Variants in ABCA13 observed in about 807,000 individuals in gnomAD.
The protein encoded by ABCA13 is ATP binding cassette subfamily A member 13.
In ABCA13, 476 loss-of-function variants were observed where a neutral mutation model predicts 478.7. That is an observed-to-expected ratio of 0.99 (90% CI 0.92 to 1.07). ABCA13 has a LOEUF of 1.07. Among genes scored for constraint, ABCA13 ranks in the 50% least tolerant of loss-of-function variants. The pLI is 0.00. For missense variants in ABCA13, 6,060 were observed against 5,910.6 expected (o/e 1.03, Z -0.83); for synonymous variants, 2,252 against 2,158.9 (o/e 1.04, Z -1.20).
intron 38 of ABCA13, among the ~76,000 whole-genome samples, chr7:48,394,608 C>T (rs2129059652): frequency 6.6e-6 from 1 of 152,348 alleles, no homozygotes; most frequent in South Asian, 2.1e-4. Flanking sequence ...AACCCCTTGA[C>T]TACAGGGACG....
At chr7:48,256,840 A>G (rs1793466759) in intron 15 of ABCA13, among the ~76,000 whole-genome samples, 1 of 152,104 alleles carries the variant, frequency 6.6e-6, no homozygotes, top group African/African-American at 2.4e-5. Flanking sequence ...TAGTTTTTTC[A>G]AATTCTGTAA....
At chr7:48,358,713 C>A (rs757678370) in intron 31 of ABCA13, among the ~76,000 whole-genome samples, 2 of 151,982 alleles carry the variant, frequency 1.3e-5, no homozygotes, top group African/African-American at 4.8e-5. Context: ...AGTGTACATT[C>A]ATAACTAATA....
Position 48,193,020 on chromosome 7 carries a change from G to C in ABCA13, c.131G>C (p.Arg44Pro), listed in dbSNP as rs566894266. The C allele has an allele frequency of 3.7e-5, 57 of 1,527,834 alleles. No homozygotes were observed. The highest frequency in any genetic ancestry group is 2.8e-5 in the Non-Finnish European group (32 of 1,143,314). The allele number at this position is 1,527,834 out of a possible 1,614,324, so 94.6% of individuals were successfully genotyped here. A position where few individuals can be genotyped will look rare whatever the true frequency, so the allele number is the denominator to read the frequency against. ...CILFVILTVL[R>P]FQEPPRYRDI... ...CTGTTTGTAATTCTGACAGTTCTTC[G>C]TTTTCAAGAACCTCCCAGATACAGA... Residue 44 changes from arginine (R) to proline (P), a missense_variant, in exon 2 of 62, where the codon CGT (arginine) becomes CCT (proline). Around this residue, in one of 3 missense-constraint regions of ABCA13, gnomAD observed 4,423 missense variants for 4,309.1 expected, o/e 1.03. Coordinates refer to ENST00000435803, the MANE Select transcript of ABCA13 (RefSeq NM_152701.5).
chr7:48,508,042 A>G lies in ABCA13; in HGVS notation c.13517A>G (p.Tyr4506Cys), dbSNP rs1001715067. 18 of 1,613,716 alleles carry G rather than the reference A, an allele frequency of 1.1e-5. No homozygotes were observed. In the African/African-American group the frequency reaches 1.9e-4, roughly 17 times the overall value. Residue 4506 changes from tyrosine (Y) to cysteine (C), a missense_variant, in exon 50 of 62, where the codon TAT (tyrosine) becomes TGT (cysteine). By Grantham distance (194) the Tyr-to-Cys change is radical (BLOSUM62 -2). This residue lies in a region of ABCA13 where 1,627 missense variants were observed against 1,571.0 expected (regional missense o/e 1.04). Transcript: ENST00000435803. ...ATGTACTGGTTCACAAACTTCCTAT[A>G]TGACATGGTAGGATTTGGGAATGAG... is the stretch of plus-strand genomic sequence containing the variant. ...YRMYWFTNFL[Y>C]DMLFYLVSVC...
In ABCA13 at chr7:48,607,037, G is replaced by A. The variant is rs548406082; in HGVS notation, c.14745-8248G>A. Among the ~76,000 whole-genome samples the A allele has an allele frequency of 2.6e-5, 4 of 152,284 alleles. No homozygotes were observed. The Middle Eastern group carries it at 0.01, about 388-fold the overall frequency. Reference sequence around the variant, plus strand: ...AAACCGCGTACTGAAGCCTCAGCAAGGACGGATGCCCCTCTCCCAACCAAG... The same window carrying A: ...AAACCGCGTACTGAAGCCTCAGCAAAGACGGATGCCCCTCTCCCAACCAAG... On this transcript the variant is annotated intron_variant, in intron 58 of 61. Coordinates refer to ENST00000435803, the MANE Select transcript of ABCA13 (RefSeq NM_152701.5).
At chr7:48,411,043 CTTTCT>C (rs1819047113) in intron 40 of ABCA13, among the ~76,000 whole-genome samples, 1 of 89,380 alleles carries the variant, frequency 1.1e-5, no homozygotes, top group Non-Finnish European at 2.5e-5. Flanking sequence ...TTCTTTCTTT[CTTTCT>C]TTTTCTTTCT....
intron 45 of ABCA13, among the ~76,000 whole-genome samples, chr7:48,480,730 A>C (rs946245484): frequency 6.6e-6 from 1 of 152,266 alleles, no homozygotes; most frequent in African/African-American, 2.4e-5. Context: ...CGTCAAATGC[A>C]AGATCACCCC....
chr7:48,441,811 T>C lies in ABCA13; in HGVS notation c.12566-13226T>C, dbSNP rs200070097. On this transcript the variant is annotated intron_variant, in intron 42 of 61. Transcript: ENST00000435803. ...AGATGTGATTTGGATTTCTGGGCAG[T>C]GTTGAGAGCCCTGTTACTAAGAATC... is the stretch of plus-strand genomic sequence containing the variant. 3.6e-4 allele frequency among the ~76,000 whole-genome samples: 55 copies of C among 152,290 alleles called. No homozygotes were observed. In the East Asian group the frequency reaches 7.5e-3, roughly 21 times the overall value.
intron 23 of ABCA13, among the ~76,000 whole-genome samples, chr7:48,309,269 C>G (rs1342120767): frequency 6.6e-6 from 1 of 152,050 alleles, no homozygotes; most frequent in African/African-American, 2.4e-5. Context: ...GGAGCAAAAA[C>G]ATGGAGCAGG....
intron 55 of ABCA13, among the ~76,000 whole-genome samples, chr7:48,573,785 C>T (rs1787903851): frequency 6.6e-6 from 1 of 152,036 alleles, no homozygotes; most frequent in African/African-American, 2.4e-5. Context: ...TGGCTTAAAC[C>T]AGGAAAATTT....
intron 59 of ABCA13, among the ~76,000 whole-genome samples, chr7:48,641,408 T>C (rs1016851400): frequency 1.3e-5 from 2 of 152,244 alleles, no homozygotes; most frequent in African/African-American, 4.8e-5. Flanking sequence ...TAAATTTCAC[T>C]GCTTATTTAT....
At position 48,274,351 on chromosome 7, in the gene ABCA13, AC is replaced by A; in HGVS notation, c.4686del (p.Phe1563LeufsTer16). On this transcript the variant is annotated frameshift_variant, in exon 17 of 62. Coordinates refer to ENST00000435803, the MANE Select transcript of ABCA13 (RefSeq NM_152701.5). LOFTEE classifies it high-confidence loss of function. ...TTTCAGAAGCTTGTAAAAGGTATTTACTTTAACATCCTGGAAAATAATTCCT... is the reference window on the plus strand; with the variant it reads ...TTTCAGAAGCTTGTAAAAGGTATTTATTTAACATCCTGGAAAATAATTCCT... ...KEFQKLVKGI[Y>X]FNILENNSSS... 1 of 1,613,350 alleles carries A rather than the reference AC, an allele frequency of 6.2e-7. No homozygotes were observed. Among genetic ancestry groups the A allele is most frequent in the South Asian group, 1.1e-5 (1 of 90,930 alleles).
At position 48,520,232 on chromosome 7, in the gene ABCA13, G is replaced by T. The variant is rs377486442; in HGVS notation, c.13989G>T (p.Ser4663=). The T allele has an allele frequency of 4.3e-6, 7 of 1,613,432 alleles. No homozygotes were observed. Among genetic ancestry groups the T allele is most frequent in the East Asian group, 2.2e-5 (1 of 44,756 alleles). The stretch of plus-strand genomic sequence containing the variant: ...GCTGGATCTTCGTGCAACTGGCCTC[G>T]CAGGGCACAGTACTTCTCCTCTTGA... ...FLGWIFVQLA[S]QGTVLLLLRV... is the part of the protein sequence containing the mutation. The change falls in exon 53 of 62, where the codon TCG becomes TCT. Residue 4663 remains serine (S), a synonymous_variant. Transcript: ENST00000435803.
At chr7:48,393,818 T>A (rs900526508) in intron 38 of ABCA13, among the ~76,000 whole-genome samples, 1 of 152,156 alleles carries the variant, frequency 6.6e-6, no homozygotes, top group African/African-American at 2.4e-5. Flanking sequence ...CCACCCTTCC[T>A]TTTACTTGGC....
At chr7:48,318,063 A>T (rs959100655) in intron 27 of ABCA13, among the ~76,000 whole-genome samples, 3 of 152,334 alleles carry the variant, frequency 2.0e-5, no homozygotes, top group Non-Finnish European at 2.9e-5. Flanking sequence ...AGAAGAGAAG[A>T]TACCTGCACT....
At chr7:48,412,140 C>T (rs1257380426) in intron 40 of ABCA13, among the ~76,000 whole-genome samples, 1 of 151,932 alleles carries the variant, frequency 6.6e-6, no homozygotes, top group Non-Finnish European at 1.5e-5. Context: ...GGTGTGGCCT[C>T]ACAAGGTTTA....
At position 48,279,915 on chromosome 7, in the gene ABCA13, T is replaced by A. The variant is rs1006885556; in HGVS notation, c.8721T>A (p.Asp2907Glu). The A allele has an allele frequency of 6.6e-7, 1 of 1,509,412 alleles. No individual in the cohort carries two copies. Among genetic ancestry groups the A allele is most frequent in the Admixed American group, 2.4e-5 (1 of 42,472 alleles). The allele number at this position is 1,509,412 out of a possible 1,614,324, so 93.5% of individuals were successfully genotyped here. The change falls in exon 18 of 62, where the codon GAT (aspartate) becomes GAA (glutamate). Residue 2907 changes from aspartate (D) to glutamate (E), a missense_variant. This residue lies in a region of ABCA13 where 4,423 missense variants were observed against 4,309.1 expected (regional missense o/e 1.03). Transcript: ENST00000435803. ...ACTGGCAACAAATCCCACTAACAGA[T>A]CAAAGGTAATTAAAAAGCTGAATTC... ...TKYWQQIPLT[D>E]QSVVEICEVF...
At chr7:48,550,331 A>C (rs1785196512) in intron 55 of ABCA13, among the ~76,000 whole-genome samples, 1 of 150,144 alleles carries the variant, frequency 6.7e-6, no homozygotes, top group Admixed American at 6.8e-5. Context: ...ATGTCAGCTC[A>C]TTGCAACCTC....
intron 59 of ABCA13, among the ~76,000 whole-genome samples, chr7:48,618,779 T>C (rs1792852820): frequency 6.6e-6 from 1 of 152,120 alleles, no homozygotes; most frequent in African/African-American, 2.4e-5. Context: ...TGGCTTAACA[T>C]GTGAGAGCCC....
Sources: allele counts gnomAD v4.1 joint callset (sites outside exome capture counted in the v4.1 genomes callset), GRCh38; gene constraint gnomAD v4.1.1; regional missense constraint gnomAD v4.1.1; transcripts MANE v1.5; gene names NCBI Gene and HGNC (gene_info 2026-07-23, HGNC 2026-07-21).